The following PACS1 variants were observed in gnomAD, a reference collection of about 807,000 sequenced individuals.
PACS1 encodes the protein PACS-1.
A neutral mutation model predicts 115.0 loss-of-function variants in PACS1; 24 were observed. The ratio of observed to expected loss-of-function variants is 0.21; its 90% CI spans 0.15 to 0.29. The LOEUF is 0.29. Among genes scored for constraint, PACS1 ranks in the 10% least tolerant of loss-of-function variants. The pLI, the probability that PACS1 is intolerant of heterozygous loss-of-function variation, is 1.00. For synonymous variants in PACS1, 453 were observed against 504.5 expected, an observed-to-expected ratio of 0.90 and a Z score of 1.37; for missense variants, 838 against 1,251.2, an observed-to-expected ratio of 0.67 and a Z score of 4.98.
At chr11:66,227,358 C>A in intron 10 of PACS1, 146 bp from the exon 11 acceptor site, 2 of 575,446 alleles carry the variant, frequency 3.5e-6, no homozygotes, top group Non-Finnish European at 3.1e-6. Context: ...TACCCGCCTC[C>A]CCGGCCCACA....
Position 66,233,899 on chromosome 11 carries a change from C to A in PACS1, c.1953C>A (p.Ser651=). ...TCAAGTCCCTGGCCAACAAGACCTC[C>A]GACTGGCTTGGCTACATGCGCTTCC... ...FFVKSLANKT[S]DWLGYMRFLI... is the part of the protein sequence containing the mutation. The change falls in exon 16 of 24, where the codon TCC becomes TCA. Residue 651 remains serine, a synonymous_variant. Transcript: ENST00000320580. The surrounding 1 kb of genome is among the most constrained non-coding windows in gnomAD (Gnocchi z 4.5). 1.3e-6 allele frequency: 2 copies of A among 1,594,690 alleles called. No homozygotes were observed. Among genetic ancestry groups the A allele is most frequent in the Non-Finnish European group, 1.7e-6 (2 of 1,169,484 alleles).
chr11:66,087,930 G>T (rs566789937), intron 1 of PACS1, among the ~76,000 whole-genome samples: 9 of 152,008 alleles, frequency 5.9e-5, no homozygotes, highest in Admixed American at 6.6e-5. Flanking sequence ...TCAAGGCAAA[G>T]AATTGGGCTG....
rs1415052346 is a variant in PACS1 at position 66,243,613 on chromosome 11, G to A, written c.*333G>A. On this transcript the variant is annotated 3_prime_UTR_variant, in exon 24 of 24. Coordinates refer to ENST00000320580, the MANE Select transcript of PACS1 (RefSeq NM_018026.4). ...ACCCGACTTCCAAACTCTTCCTTGT[G>A]GTATCAGTTTCCTTCTCGGAAATGA... 3.9e-6 allele frequency: 1 copy of A among 254,818 alleles called. No individual in the cohort carries two copies. The highest frequency in any genetic ancestry group is 7.6e-6 in the Non-Finnish European group (1 of 131,216). 15.8% of individuals were successfully genotyped at this position (254,818 alleles called of 1,614,324 possible).
At chr11:66,116,844 C>A (rs754208514) in intron 1 of PACS1, among the ~76,000 whole-genome samples, 1 of 149,310 alleles carries the variant, frequency 6.7e-6, no homozygotes, top group Admixed American at 6.7e-5. Context: ...GAGCTAAGAT[C>A]GTGCAACTGC....
chr11:66,123,920 C>T (rs377677392), intron 1 of PACS1, among the ~76,000 whole-genome samples: 66 of 152,014 alleles, frequency 4.3e-4, no homozygotes, highest in Non-Finnish European at 8.4e-4. Flanking sequence ...TTATATGCAC[C>T]GGGAAATAAA....
chr11:66,095,589 C>G (rs1222684924), intron 1 of PACS1, among the ~76,000 whole-genome samples: 1 of 152,180 alleles, frequency 6.6e-6, no homozygotes, highest in Non-Finnish European at 1.5e-5. Context: ...TCCTGAACAG[C>G]AGGGGTTACA....
intron 11 of PACS1, among the ~76,000 whole-genome samples, chr11:66,227,898 C>A (rs1363390741): frequency 3.9e-5 from 6 of 152,144 alleles, no homozygotes; most frequent in African/African-American, 1.4e-4. Flanking sequence ...AAAATCATCC[C>A]TTCCTCATTG....
At chr11:66,122,657 C>G (rs1395128389) in intron 1 of PACS1, among the ~76,000 whole-genome samples, 2 of 152,138 alleles carry the variant, frequency 1.3e-5, no homozygotes, top group Non-Finnish European at 2.9e-5. Context: ...TCAAGGTGCT[C>G]ACGACTTCAG....
At chr11:66,228,324 T>C (rs923288611) in intron 11 of PACS1, among the ~76,000 whole-genome samples, 1 of 152,052 alleles carries the variant, frequency 6.6e-6, no homozygotes, top group African/African-American at 2.4e-5. Context: ...TGGGACCTGC[T>C]GGGAGTTGAC....
In PACS1 at chr11:66,070,407, C is replaced by G; in HGVS notation, c.-80C>G. ...GGCGGGCTGAGGAGGCTGCCGCGCC[C>G]CCGCCGCCGCCGCCGCGGGGGAAGC... On this transcript the variant is annotated 5_prime_UTR_variant, in exon 1 of 24. Coordinates refer to ENST00000320580, the MANE Select transcript of PACS1 (RefSeq NM_018026.4). This position sits in a 1 kb window ranked among gnomAD's most constrained non-coding sequence, Gnocchi z 5.9. 4 of 903,106 alleles carry G rather than the reference C, an allele frequency of 4.4e-6. No individual in the cohort carries two copies. Among genetic ancestry groups the G allele is most frequent in the South Asian group, 5.3e-5 (1 of 18,884 alleles). 55.9% of individuals were successfully genotyped at this position (903,106 alleles called of 1,614,324 possible). A position where few individuals can be genotyped will look rare whatever the true frequency, so the allele number is the denominator to read the frequency against.
intron 1 of PACS1, among the ~76,000 whole-genome samples, chr11:66,091,105 G>C (rs934112826): frequency 9.2e-5 from 14 of 152,030 alleles, no homozygotes; most frequent in Non-Finnish European, 1.9e-4. Flanking sequence ...TGTTTCATTT[G>C]AAGTTTCAGC....
intron 11 of PACS1, among the ~76,000 whole-genome samples, chr11:66,228,131 CCA>C (rs1855503532): frequency 6.7e-6 from 1 of 149,384 alleles, no homozygotes. Context: ...CATGAGTGAG[CCA>C]CAGTTTGCAT....
intron 14 of PACS1, 57 bp from the exon 15 acceptor site, chr11:66,232,903 T>A: frequency 7.6e-7 from 1 of 1,311,272 alleles, no homozygotes; most frequent in Non-Finnish European, 1.1e-6. Context: ...TCTTGGCCCT[T>A]GTGAAGGAGT....
At chr11:66,212,287 A>G (rs1590822519) in intron 4 of PACS1, among the ~76,000 whole-genome samples, 1 of 149,288 alleles carries the variant, frequency 6.7e-6, no homozygotes, top group Non-Finnish European at 1.5e-5. Flanking sequence ...GTGCACCACC[A>G]TGCCCAGCTA....
intron 1 of PACS1, among the ~76,000 whole-genome samples, chr11:66,158,681 G>A (rs1459611294): frequency 2.0e-5 from 3 of 152,154 alleles, no homozygotes; most frequent in Non-Finnish European, 4.4e-5. Context: ...AACCTGGGTG[G>A]CAGAGAGAGT....
chr11:66,114,788 A>G (rs1858267392), intron 1 of PACS1, among the ~76,000 whole-genome samples: 1 of 152,228 alleles, frequency 6.6e-6, no homozygotes, highest in Admixed American at 6.5e-5. Context: ...CTTCATTAGC[A>G]TTGTGTCTTC....
intron 1 of PACS1, among the ~76,000 whole-genome samples, chr11:66,118,365 A>C (rs1291405560): frequency 1.3e-5 from 2 of 152,124 alleles, no homozygotes; most frequent in Admixed American, 1.3e-4. Flanking sequence ...TAATCCGGGC[A>C]CTTTGGGAGG....
chr11:66,075,442 G>A (rs1475990802), intron 1 of PACS1, among the ~76,000 whole-genome samples: 1 of 151,878 alleles, frequency 6.6e-6, no homozygotes, highest in Non-Finnish European at 1.5e-5. Flanking sequence ...GGGTCTTGCT[G>A]TGTTGCCCAG....
chr11:66,213,604 C>G (rs1421834619), intron 4 of PACS1, among the ~76,000 whole-genome samples: 2 of 152,250 alleles, frequency 1.3e-5, no homozygotes, highest in African/African-American at 4.8e-5. Context: ...CGTGTCTACA[C>G]ACGTCACAGC....
Sources: allele counts gnomAD v4.1 joint callset (sites outside exome capture counted in the v4.1 genomes callset), GRCh38; gene constraint gnomAD v4.1.1; non-coding constraint Gnocchi (gnomAD v3.1); transcripts MANE v1.5; gene names NCBI Gene and HGNC (gene_info 2026-07-23, HGNC 2026-07-21).